The following KCNH5 variants were observed in gnomAD, a reference collection of about 807,000 sequenced individuals.
KCNH5 encodes the protein voltage-gated delayed rectifier potassium channel KCNH5.
KCNH5 carries 46 observed loss-of-function variants against 96.1 expected under a neutral mutation model. The observed-to-expected ratio is 0.48, with a 90% CI of 0.38 to 0.61. The LOEUF (loss-of-function observed/expected upper bound fraction) is 0.61. KCNH5 is among the 20% of genes least tolerant of loss of function. KCNH5 has a pLI of 0.00. For synonymous variants in KCNH5, 439 were observed against 449.8 expected (o/e 0.98, Z 0.30); for missense variants, 907 against 1,225.8 (o/e 0.74, Z 3.88).
chr14:62,931,200 T>C (rs1242268339), intron 7 of KCNH5, among the ~76,000 whole-genome samples: 2 of 152,072 alleles, frequency 1.3e-5, no homozygotes, highest in African/African-American at 2.4e-5. Flanking sequence ...ACAGGTTAAA[T>C]AGACAGATAT....
intron 7 of KCNH5, among the ~76,000 whole-genome samples, chr14:62,930,160 T>C (rs1326515024): frequency 1.3e-5 from 2 of 152,124 alleles, no homozygotes; most frequent in Non-Finnish European, 2.9e-5. Context: ...ATAATGGGAT[T>C]TCTGGGTTGA....
At chr14:62,763,817 T>C (rs1190592424) in intron 10 of KCNH5, among the ~76,000 whole-genome samples, 2 of 152,096 alleles carry the variant, frequency 1.3e-5, no homozygotes, top group East Asian at 3.8e-4. Context: ...ACATGCAACC[T>C]CCCAAAATTA....
chr14:62,787,961 C>T (rs1270901964), intron 9 of KCNH5, among the ~76,000 whole-genome samples: 1 of 152,166 alleles, frequency 6.6e-6, no homozygotes, highest in Non-Finnish European at 1.5e-5. Flanking sequence ...TTCATGCCGG[C>T]TAACACAACA....
At chr14:62,900,681 T>A (rs1399112196) in intron 7 of KCNH5, among the ~76,000 whole-genome samples, 1 of 151,088 alleles carries the variant, frequency 6.6e-6, no homozygotes, top group Admixed American at 6.6e-5. Context: ...TTCTAAAAAA[T>A]GAAAAGAAAT....
At chr14:62,995,343 T>C (rs1397134269) in intron 4 of KCNH5, among the ~76,000 whole-genome samples, 1 of 152,098 alleles carries the variant, frequency 6.6e-6, no homozygotes, top group Non-Finnish European at 1.5e-5. Flanking sequence ...CTGTCCTGAA[T>C]GCTAAAACAC....
At chr14:62,817,112 CAT>C (rs1886996676) in intron 8 of KCNH5, among the ~76,000 whole-genome samples, 1 of 130,558 alleles carries the variant, frequency 7.7e-6, no homozygotes, top group Non-Finnish European at 1.6e-5. Context: ...TTATATATGA[CAT>C]AATATATTTA....
At chr14:62,999,411 A>G (rs1594667566) in intron 4 of KCNH5, among the ~76,000 whole-genome samples, 1 of 151,942 alleles carries the variant, frequency 6.6e-6, no homozygotes, top group African/African-American at 2.4e-5. Flanking sequence ...AATTTGTTTG[A>G]GTTCATTGTA....
intron 7 of KCNH5, among the ~76,000 whole-genome samples, chr14:62,911,759 G>A (rs1234048290): frequency 6.6e-6 from 1 of 151,028 alleles, no homozygotes; most frequent in African/African-American, 2.4e-5. Flanking sequence ...TCAAGTAGCT[G>A]GGCACGGTGG....
rs760426989 is a variant in KCNH5 at position 62,707,636 on chromosome 14, C to T, written c.2839G>A (p.Val947Ile). 4.6e-5 allele frequency: 73 copies of T among 1,579,660 alleles called. No homozygotes were observed. Among genetic ancestry groups the T allele is most frequent in the Middle Eastern group, 3.4e-4 (2 of 5,914 alleles). ...GATTTGGGAGATGAGGCCTGGGGTA[C>T]GCTTTTTTCCGACAGTATTTTTAAA... is the stretch of plus-strand genomic sequence containing the variant. Reference protein sequence around the residue: ...EILKILSEKSVPQASSPKSQM... With the variant: ...EILKILSEKSIPQASSPKSQM... Residue 947 changes from valine to isoleucine, a missense_variant, in exon 11 of 11, where the codon GTA (valine) becomes ATA (isoleucine). Coordinates refer to ENST00000322893, the MANE Select transcript of KCNH5 (RefSeq NM_139318.5).
At chr14:62,769,031 G>C (rs1259940022) in intron 10 of KCNH5, among the ~76,000 whole-genome samples, 1 of 152,202 alleles carries the variant, frequency 6.6e-6, no homozygotes, top group African/African-American at 2.4e-5. Flanking sequence ...ACAAACTTCA[G>C]GAATTGTTGA....
chr14:62,946,520 T>C (rs1001194848), intron 7 of KCNH5, among the ~76,000 whole-genome samples: 2 of 152,032 alleles, frequency 1.3e-5, no homozygotes, highest in Non-Finnish European at 2.9e-5. Context: ...TGTGGTTTTT[T>C]TTTTTATTTT....
At chr14:62,737,358 G>A (rs1217350764) in intron 10 of KCNH5, among the ~76,000 whole-genome samples, 1 of 152,098 alleles carries the variant, frequency 6.6e-6, no homozygotes, top group Non-Finnish European at 1.5e-5. Context: ...CACCTTAGAG[G>A]GAGCACAAAA....
At chr14:62,951,936 C>T (rs1890013762) in intron 6 of KCNH5, among the ~76,000 whole-genome samples, 3 of 124,914 alleles carry the variant, frequency 2.4e-5, no homozygotes, top group Admixed American at 1.1e-4. Context: ...GCACCCCAGC[C>T]TGGGTAACAG....
At chr14:62,892,232 G>A (rs927209043) in intron 7 of KCNH5, among the ~76,000 whole-genome samples, 17 of 152,158 alleles carry the variant, frequency 1.1e-4, no homozygotes, top group South Asian at 6.2e-4. Context: ...TAAATAATGC[G>A]AAAGAGAAAC....
rs1275186869 is a variant in KCNH5, at chr14:62,699,945, T to C, written c.*7563A>G. On this transcript the variant is annotated 3_prime_UTR_variant, in exon 11 of 11. Coordinates refer to ENST00000322893, the MANE Select transcript of KCNH5 (RefSeq NM_139318.5). ...CACATGAAATTTTTGCATTGTTTCCTTTGTCAATGCATGAATCAATTATTT... is the reference window on the plus strand; with the variant it reads ...CACATGAAATTTTTGCATTGTTTCCCTTGTCAATGCATGAATCAATTATTT... 1 of 152,234 alleles carries C rather than the reference T, an allele frequency of 6.6e-6. No individual in the cohort carries two copies. Among genetic ancestry groups the C allele is most frequent in the Non-Finnish European group, 1.5e-5 (1 of 68,026 alleles). 9.4% of individuals were successfully genotyped at this position (152,234 alleles called of 1,614,324 possible).
At chr14:62,912,023 G>A (rs1889167251) in intron 7 of KCNH5, among the ~76,000 whole-genome samples, 1 of 132,326 alleles carries the variant, frequency 7.6e-6, no homozygotes, top group Admixed American at 8.0e-5. Context: ...GGGTGACAGA[G>A]CGAGACTCCT....
At chr14:62,777,920 T>C (rs1886132534) in intron 10 of KCNH5, among the ~76,000 whole-genome samples, 1 of 152,154 alleles carries the variant, frequency 6.6e-6, no homozygotes, top group Non-Finnish European at 1.5e-5. Flanking sequence ...TGGTGATCTG[T>C]TTCCATTGTC....
At chr14:62,951,553 T>C (rs1017252404) in intron 6 of KCNH5, among the ~76,000 whole-genome samples, 2 of 152,192 alleles carry the variant, frequency 1.3e-5, no homozygotes, top group African/African-American at 4.8e-5. Context: ...AGGAATCTAA[T>C]ATAACTTACT....
chr14:62,784,562 C>G (rs1311295574), intron 9 of KCNH5, among the ~76,000 whole-genome samples: 1 of 152,042 alleles, frequency 6.6e-6, no homozygotes, highest in African/African-American at 2.4e-5. Flanking sequence ...ACCATTTTCA[C>G]CGATGTCTTT....
Sources: allele counts gnomAD v4.1 joint callset (sites outside exome capture counted in the v4.1 genomes callset), GRCh38; gene constraint gnomAD v4.1.1; transcripts MANE v1.5; gene names NCBI Gene and HGNC (gene_info 2026-07-23, HGNC 2026-07-21).